The following ACTN4 variants were observed in gnomAD, a reference collection of about 807,000 sequenced individuals.
ACTN4 encodes the protein actinin alpha 4.
A neutral mutation model predicts 114.2 loss-of-function variants in ACTN4; 18 were observed. That is an observed-to-expected ratio of 0.16 (90% CI 0.11 to 0.23). The LOEUF is 0.23. Ranked by LOEUF, ACTN4 falls within the 10% of genes least tolerant of loss-of-function variation. The pLI is 1.00. For missense variants in ACTN4, 722 were observed against 1,262.9 expected (o/e 0.57, Z 6.49); for synonymous variants, 515 against 506.3 (o/e 1.02, Z -0.23).
chr19:38,715,211 CG>C (rs1359329804), intron 9 of ACTN4, among the ~76,000 whole-genome samples: 2 of 152,158 alleles, frequency 1.3e-5, no homozygotes, highest in Non-Finnish European at 2.9e-5. Flanking sequence ...AAAAAATAAA[CG>C]TAGGCTGGGC....
chr19:38,686,657 C>A (rs1413606070), intron 1 of ACTN4, among the ~76,000 whole-genome samples: 2 of 152,264 alleles, frequency 1.3e-5, no homozygotes, highest in African/African-American at 2.4e-5. Flanking sequence ...TGAGCACTGC[C>A]TCCCGCTCTG....
intron 1 of ACTN4, among the ~76,000 whole-genome samples, chr19:38,681,611 C>T (rs543749953): frequency 6.6e-6 from 1 of 152,318 alleles, no homozygotes; most frequent in South Asian, 2.1e-4. Context: ...CTTTCAAGGC[C>T]CAGATCAGGT....
At chr19:38,726,125 A>G (rs944852026) in intron 17 of ACTN4, among the ~76,000 whole-genome samples, 3 of 152,072 alleles carry the variant, frequency 2.0e-5, no homozygotes, top group African/African-American at 7.2e-5. Context: ...CTGTCTCTAC[A>G]AAAAATGAAA....
rs747590691 is a variant in ACTN4, at chr19:38,724,281, C to T, written c.1817C>T (p.Ser606Leu). 54 of 1,613,890 alleles carry T rather than the reference C, an allele frequency of 3.3e-5. No homozygotes were observed. Among genetic ancestry groups the T allele is most frequent in the Admixed American group, 6.7e-5 (4 of 60,036 alleles). Residue 606 changes from serine (S) to leucine (L), a missense_variant, in exon 15 of 21, where the codon TCG (serine) becomes TTG (leucine). Ser to Leu is a moderately radical substitution (Grantham distance 145). Around this residue, in one of 3 missense-constraint regions of ACTN4, gnomAD observed 523 missense variants for 875.9 expected, o/e 0.60. Coordinates refer to ENST00000252699, the MANE Select transcript of ACTN4 (RefSeq NM_004924.6). This position sits in a 1 kb window ranked among gnomAD's most constrained non-coding sequence, Gnocchi z 7.0. The part of the protein sequence containing the change: ...RIAESNHIKL[S>L]GSNPYTTVTP... ...GCTGAGAGCAACCACATCAAGCTGT[C>T]GGGCAGCAACCCCTACACCACCGTC...
chr19:38,652,532 G>A (rs1278862997), intron 1 of ACTN4, among the ~76,000 whole-genome samples: 1 of 152,076 alleles, frequency 6.6e-6, no homozygotes, highest in Non-Finnish European at 1.5e-5. Flanking sequence ...ATTGCCCTCT[G>A]CCTTTTGAAA....
intron 1 of ACTN4, among the ~76,000 whole-genome samples, chr19:38,695,903 T>C (rs945871679): frequency 2.0e-5 from 3 of 151,296 alleles, no homozygotes; most frequent in African/African-American, 7.3e-5. Context: ...TGACACAAAC[T>C]CGGCCCCAGG....
chr19:38,730,335 G>A lies in ACTN4; in HGVS notation c.*903G>A. 5.9e-6 allele frequency: 1 copy of A among 170,022 alleles called. No individual in the cohort carries two copies. The allele number at this position is 170,022 out of a possible 1,614,324, so 10.5% of individuals were successfully genotyped here. On this transcript the variant is annotated 3_prime_UTR_variant, in exon 21 of 21. Transcript: ENST00000252699. ...CGGGCCCCTTGCTGATGCTCCTCCG[G>A]GTCTGCGTCGGGCGTGGGTCTCTGG...
At chr19:38,678,246 C>G (rs1304972129) in intron 1 of ACTN4, among the ~76,000 whole-genome samples, 1 of 152,172 alleles carries the variant, frequency 6.6e-6, no homozygotes, top group Non-Finnish European at 1.5e-5. Flanking sequence ...CGCTGTAGAC[C>G]TTTTTGTTTT....
chr19:38,648,759 A>C (rs1380740201), intron 1 of ACTN4, among the ~76,000 whole-genome samples: 1 of 151,878 alleles, frequency 6.6e-6, no homozygotes, highest in Non-Finnish European at 1.5e-5. Flanking sequence ...GGAGAAGCCG[A>C]AGTAGAGGGG....
chr19:38,710,806 C>T (rs1403653485), intron 8 of ACTN4: 2 of 287,570 alleles, frequency 7.0e-6, no homozygotes, highest in Admixed American at 4.7e-5. Context: ...TGAAGCACTA[C>T]GAAGGCCCTG....
chr19:38,658,890 CAG>C (rs914504851), intron 1 of ACTN4, among the ~76,000 whole-genome samples: 1 of 151,844 alleles, frequency 6.6e-6, no homozygotes, highest in African/African-American at 2.4e-5. Flanking sequence ...CTGTGTAAAA[CAG>C]AAAGGGCTGT....
chr19:38,699,953 A>C (rs1027362379), intron 1 of ACTN4, among the ~76,000 whole-genome samples: 8 of 152,130 alleles, frequency 5.3e-5, no homozygotes, highest in African/African-American at 1.9e-4. Context: ...AGACTCGAGG[A>C]AATCCTGCAT....
Position 38,717,423 on chromosome 19 carries a change from T to C in ACTN4, c.1143+107T>C. On this transcript the variant is annotated intron_variant, in intron 10 of 20. Coordinates refer to ENST00000252699, the MANE Select transcript of ACTN4 (RefSeq NM_004924.6). The surrounding 1 kb of genome is among the most constrained non-coding windows in gnomAD (Gnocchi z 4.0). ...AATCTTTCCTAAGTTGTTGATGTCC[T>C]GTGGGACATGGCATGGCCTTTCGGA... 1 of 1,409,918 alleles carries C rather than the reference T, an allele frequency of 7.1e-7. No homozygotes were observed. Among genetic ancestry groups the C allele is most frequent in the Non-Finnish European group, 9.7e-7 (1 of 1,030,170 alleles). 87.3% of individuals were successfully genotyped at this position (1,409,918 alleles called of 1,614,324 possible).
At chr19:38,718,962 C>G (rs548011679) in intron 11 of ACTN4, among the ~76,000 whole-genome samples, 190 of 152,344 alleles carry the variant, frequency 1.2e-3, no homozygotes, top group Non-Finnish European at 1.4e-3. Context: ...TGCCTTCGGC[C>G]CACCCTTCAG....
chr19:38,683,183 G>A (rs747425427), intron 1 of ACTN4, among the ~76,000 whole-genome samples: 3 of 152,132 alleles, frequency 2.0e-5, no homozygotes, highest in African/African-American at 7.2e-5. Flanking sequence ...TGGTGCCAGC[G>A]GTTTGGAGTG....
At chr19:38,725,995 C>A in intron 17 of ACTN4, 92 bp downstream of exon 17, 1 of 1,511,804 alleles carries the variant, frequency 6.6e-7, no homozygotes. Context: ...TAGCTGTCTG[C>A]TGTCTGTTGT....
At chr19:38,689,204 A>G (rs1967842781) in intron 1 of ACTN4, among the ~76,000 whole-genome samples, 1 of 152,230 alleles carries the variant, frequency 6.6e-6, no homozygotes, top group Non-Finnish European at 1.5e-5. Context: ...TGAATTGATA[A>G]ATAAAATGTG....
At chr19:38,713,202 G>A (rs1968719705) in intron 8 of ACTN4, among the ~76,000 whole-genome samples, 2 of 152,188 alleles carry the variant, frequency 1.3e-5, no homozygotes, top group African/African-American at 2.4e-5. Flanking sequence ...TCTAGTCACC[G>A]AAGCGTTCCC....
At position 38,706,123 on chromosome 19, in the gene ACTN4, C is replaced by A; in HGVS notation, c.564C>A (p.Phe188Leu). 6.2e-7 allele frequency: 1 copy of A among 1,613,894 alleles called. No individual in the cohort carries two copies. Among genetic ancestry groups the A allele is most frequent in the Non-Finnish European group, 8.5e-7 (1 of 1,179,810 alleles). Reference protein sequence around the residue: ...APYKNVNVQNFHISWKDGLAF... With the variant: ...APYKNVNVQNLHISWKDGLAF... ...ATAAGAACGTCAATGTGCAGAACTT[C>A]CACATCAGGTAAGCGCCAGTCCTGG... The change falls in exon 5 of 21, where the codon TTC becomes TTA. Residue 188 changes from phenylalanine (F) to leucine (L), a missense_variant. Coordinates refer to ENST00000252699, the MANE Select transcript of ACTN4 (RefSeq NM_004924.6).
Sources: gnomAD v4.1 joint callset for allele counts (sites outside exome capture counted in the v4.1 genomes callset) on GRCh38, gnomAD v4.1.1 for gene constraint, gnomAD v4.1.1 regional missense constraint, Gnocchi (gnomAD v3.1) non-coding constraint, MANE v1.5 for transcripts, NCBI Gene and HGNC (gene_info 2026-07-23, HGNC 2026-07-21) for gene names.